Variants in STARD13 observed in about 807,000 individuals in gnomAD.
STARD13 encodes StAR related lipid transfer domain containing 13.
Under a neutral mutation model 106.4 loss-of-function variants are expected in STARD13, and 62 were observed. That is an observed-to-expected ratio of 0.58 (90% CI 0.48 to 0.72). STARD13 has a LOEUF of 0.72. Among genes scored for constraint, STARD13 ranks in the 30% least tolerant of loss-of-function variants. STARD13 has a pLI of 0.00. For missense variants in STARD13, 1,387 were observed against 1,424.0 expected, an observed-to-expected ratio of 0.97 and a Z score of 0.42; for synonymous variants, 565 against 553.0, an observed-to-expected ratio of 1.02 and a Z score of -0.31.
At chr13:33,214,253 T>G (rs1887896155) in intron 1 of STARD13, among the ~76,000 whole-genome samples, 1 of 152,210 alleles carries the variant, frequency 6.6e-6, no homozygotes, top group Non-Finnish European at 1.5e-5. Context: ...TGGTTTTATA[T>G]CTGACTGCTT....
the STARD13 span, among the ~76,000 whole-genome samples, chr13:33,642,796 C>A: frequency 1.3e-5 from 2 of 150,768 alleles, no homozygotes; most frequent in Admixed American, 1.3e-4. Flanking sequence ...GCTGTGAGAT[C>A]CCCAGATACT....
chr13:33,180,723 A>G (rs1885151748), intron 1 of STARD13, among the ~76,000 whole-genome samples: 1 of 152,196 alleles, frequency 6.6e-6, no homozygotes, highest in South Asian at 2.1e-4. Context: ...GTGACGGGGA[A>G]AGTAATTCAA....
the STARD13 span, among the ~76,000 whole-genome samples, chr13:33,537,592 G>A: frequency 4.1e-4 from 63 of 152,148 alleles, no homozygotes; most frequent in African/African-American, 1.4e-3. Context: ...TCACAGACCT[G>A]TGGGCAATGT....
chr13:33,629,840 C>T, the STARD13 span, among the ~76,000 whole-genome samples: 1 of 152,156 alleles, frequency 6.6e-6, no homozygotes, highest in Non-Finnish European at 1.5e-5. Context: ...CCCTTTCTAT[C>T]TGAAACACTA....
chr13:33,585,005 G>A, the STARD13 span, among the ~76,000 whole-genome samples: 1 of 152,126 alleles, frequency 6.6e-6, no homozygotes, highest in Admixed American at 6.5e-5. Context: ...GCAGAACCAT[G>A]AGCCAATTAA....
chr13:33,274,495 T>A (rs555534618), intron 1 of STARD13, among the ~76,000 whole-genome samples: 1 of 152,316 alleles, frequency 6.6e-6, no homozygotes, highest in Admixed American at 6.5e-5. Flanking sequence ...CTCTGGCACT[T>A]TATTACTGCA....
chr13:33,409,355 A>G, the STARD13 span, among the ~76,000 whole-genome samples: 7 of 152,322 alleles, frequency 4.6e-5, no homozygotes, highest in East Asian at 1.4e-3. Context: ...ATGTCAAGTA[A>G]CTTACTCAAG....
the STARD13 span, among the ~76,000 whole-genome samples, chr13:33,598,581 T>G: frequency 6.6e-6 from 1 of 152,270 alleles, no homozygotes; most frequent in East Asian, 1.9e-4. Flanking sequence ...AGCATTTTCA[T>G]AATTTCCATC....
At chr13:33,385,360 C>T in the STARD13 span, among the ~76,000 whole-genome samples, 1 of 143,844 alleles carries the variant, frequency 7.0e-6, no homozygotes, top group East Asian at 2.0e-4. Flanking sequence ...TTTGGTACAG[C>T]TGTCCTAAAC....
intron 3 of STARD13, among the ~76,000 whole-genome samples, chr13:33,161,817 G>T (rs1045834625): frequency 6.6e-6 from 1 of 152,190 alleles, no homozygotes; most frequent in Non-Finnish European, 1.5e-5. Flanking sequence ...TGTGTGGGAA[G>T]GCCTCAGGAT....
At chr13:33,308,655 C>T (rs1432190592) in intron 1 of STARD13, among the ~76,000 whole-genome samples, 1 of 151,670 alleles carries the variant, frequency 6.6e-6, no homozygotes, top group Non-Finnish European at 1.5e-5. Context: ...TACTGAGTAG[C>T]TGGTATTACA....
At chr13:33,519,789 C>T in the STARD13 span, among the ~76,000 whole-genome samples, 1 of 152,056 alleles carries the variant, frequency 6.6e-6, no homozygotes, top group Non-Finnish European at 1.5e-5. Context: ...CATTATTTCT[C>T]CCGTCTTTTT....
At chr13:33,625,803 G>A in the STARD13 span, among the ~76,000 whole-genome samples, 1 of 151,616 alleles carries the variant, frequency 6.6e-6, no homozygotes, top group Admixed American at 6.6e-5. Flanking sequence ...CCAGGTTCAA[G>A]CGATTCTCCT....
At chr13:33,488,772 A>G in the STARD13 span, among the ~76,000 whole-genome samples, 1 of 152,122 alleles carries the variant, frequency 6.6e-6, no homozygotes, top group Non-Finnish European at 1.5e-5. Context: ...TCAAATACCA[A>G]CTTCTCTCTG....
chr13:33,540,105 T>C, the STARD13 span, among the ~76,000 whole-genome samples: 1 of 152,152 alleles, frequency 6.6e-6, no homozygotes, highest in Non-Finnish European at 1.5e-5. Flanking sequence ...CTATAGTAGT[T>C]CCCCCTTAGC....
chr13:33,122,393 T>C (rs1876471280), intron 7 of STARD13, among the ~76,000 whole-genome samples: 2 of 152,220 alleles, frequency 1.3e-5, no homozygotes, highest in South Asian at 2.1e-4. Flanking sequence ...CACTTTTGTG[T>C]CTGTCACCCA....
the STARD13 span, among the ~76,000 whole-genome samples, chr13:33,453,383 A>G: frequency 1.3e-5 from 2 of 152,206 alleles, no homozygotes; most frequent in East Asian, 3.8e-4. Flanking sequence ...TGGATGGTCT[A>G]TTCCTTTCTC....
the STARD13 span, among the ~76,000 whole-genome samples, chr13:33,443,153 C>T: frequency 1.4e-4 from 21 of 151,796 alleles, no homozygotes; most frequent in East Asian, 1.2e-3. Context: ...ACGAGGCGGG[C>T]GGATCACAAG....
intron 3 of STARD13, among the ~76,000 whole-genome samples, chr13:33,146,507 C>T (rs521868): frequency 0.43 from 65,756 of 151,936 alleles, 14,869 homozygotes; most frequent in East Asian, 0.58. Context: ...TTTTATGTCA[C>T]GATTGTGGTG....
Sources: allele counts gnomAD v4.1 joint callset (sites outside exome capture counted in the v4.1 genomes callset), GRCh38; gene constraint gnomAD v4.1.1; transcripts MANE v1.5; gene names NCBI Gene and HGNC (gene_info 2026-07-23, HGNC 2026-07-21).